The following ZFP64 variants were observed in gnomAD, a reference collection of about 807,000 sequenced individuals.
The protein encoded by ZFP64 is ZFP64 zinc finger protein, also known as zinc finger protein 64.
In ZFP64, 14 loss-of-function variants were observed where a neutral mutation model predicts 51.6. That is an observed-to-expected ratio of 0.27 (90% CI 0.18 to 0.42). ZFP64 has a LOEUF of 0.42. ZFP64 is among the 10% of genes least tolerant of loss of function. The probability of loss-of-function intolerance (pLI) is 1.00; values close to 1 mark genes in which losing one functional copy is unlikely to be tolerated. For missense variants in ZFP64, 754 were observed against 906.8 expected, an observed-to-expected ratio of 0.83 and a Z score of 2.16; for synonymous variants, 375 against 361.4, an observed-to-expected ratio of 1.04 and a Z score of -0.43.
Position 52,127,572 on chromosome 20 carries a change from T to C in ZFP64, c.764-28985A>G, listed in dbSNP as rs564265691. The stretch of plus-strand genomic sequence containing the variant: ...CTTGCTTCCCCTTTGCCTTCTGCCA[T>C]GACTGTAACTTTCCTGAGGCCTCCC... On this transcript the variant is annotated intron_variant, in intron 5 of 8. Transcript: ENST00000361387. 9.2e-4 allele frequency among the ~76,000 whole-genome samples: 140 copies of C among 152,326 alleles called. 1 individual carries two copies. Among genetic ancestry groups the C allele is most frequent in the Non-Finnish European group, 1.2e-3 (79 of 68,024 alleles).
At chr20:52,164,791 AAAACTT>A (rs1487301232) in intron 3 of ZFP64, 34 bp from the exon 4 acceptor site, 7 of 1,578,806 alleles carry the variant, frequency 4.4e-6, no homozygotes, top group Non-Finnish European at 6.1e-6. Flanking sequence ...ATTACAAAGG[AAAACTT>A]AGTAACTTTT....
chr20:52,104,893 T>C (rs1978297227), intron 5 of ZFP64: 1 of 673,300 alleles, frequency 1.5e-6, no homozygotes, highest in Non-Finnish European at 2.7e-6. Context: ...ACTCGTTGAC[T>C]AGCTCTTGAG....
chr20:52,114,700 C>T (rs62216877), intron 5 of ZFP64, among the ~76,000 whole-genome samples: 24,295 of 152,128 alleles, frequency 0.16, 2,190 homozygotes, highest in Non-Finnish European at 0.21. Flanking sequence ...TTTGGCAATA[C>T]GTTTTTAAAT....
At chr20:52,139,718 G>A (rs1014422689) in intron 5 of ZFP64, among the ~76,000 whole-genome samples, 3 of 152,000 alleles carry the variant, frequency 2.0e-5, no homozygotes, top group Admixed American at 6.6e-5. Context: ...TTTATTTTAC[G>A]GGTCACATTT....
intron 5 of ZFP64, among the ~76,000 whole-genome samples, chr20:52,121,460 G>T (rs1410804735): frequency 6.6e-6 from 1 of 152,204 alleles, no homozygotes; most frequent in Non-Finnish European, 1.5e-5. Flanking sequence ...GGTCAAACCA[G>T]CTACAACATG....
Position 52,085,942 on chromosome 20 carries a change from T to C in ZFP64, c.1229-676A>G, listed in dbSNP as rs2078859685. Among the ~76,000 whole-genome samples the C allele has an allele frequency of 6.6e-6, 1 of 152,164 alleles. No homozygotes were observed. The highest frequency in any genetic ancestry group is 2.1e-4 in the South Asian group (1 of 4,826). ...AGTTGAATATACACAAAGATAAGCATCTTATCCTACACACCCATCCTTTCC... is the reference window on the plus strand; with the variant it reads ...AGTTGAATATACACAAAGATAAGCACCTTATCCTACACACCCATCCTTTCC... On this transcript the variant is annotated intron_variant, in intron 8 of 8. Coordinates refer to the ZFP64 transcript ENST00000361387. The surrounding 1 kb of genome is among the most constrained non-coding windows in gnomAD (Gnocchi z 4.3).
At chr20:52,171,819 C>T (rs1982763856) in intron 2 of ZFP64, among the ~76,000 whole-genome samples, 1 of 151,556 alleles carries the variant, frequency 6.6e-6, no homozygotes, top group South Asian at 2.1e-4. Flanking sequence ...GTGATCTCGG[C>T]TCATTGCAAT....
At chr20:52,148,622 G>A (rs369383128), downstream of ZFP64, among the ~76,000 whole-genome samples, 1 of 151,866 alleles carries the variant, frequency 6.6e-6, no homozygotes. Context: ...AATCACCTGA[G>A]CCTGGGAGGC....
At chr20:52,190,026 A>G (rs1984260870) in intron 1 of ZFP64, among the ~76,000 whole-genome samples, 1 of 152,126 alleles carries the variant, frequency 6.6e-6, no homozygotes, top group Non-Finnish European at 1.5e-5. Context: ...ATTATGTCCA[A>G]TTTTCCCCAG....
downstream of ZFP64, among the ~76,000 whole-genome samples, chr20:52,147,344 C>G (rs2089530516): frequency 6.6e-6 from 1 of 151,952 alleles, no homozygotes; most frequent in South Asian, 2.1e-4. Context: ...AAGAAAATGA[C>G]CTAAGTACCA....
intron 5 of ZFP64, among the ~76,000 whole-genome samples, chr20:52,138,038 TAAA>T (rs1568671706): frequency 1.4e-4 from 17 of 122,072 alleles, no homozygotes; most frequent in Middle Eastern, 7.6e-3. Context: ...AATAAATAAA[TAAA>T]TAAATAAATA....
rs12625911 is a variant in ZFP64 at position 52,110,528 on chromosome 20, C to T, written c.764-11941G>A. 1,208 of 723,028 alleles carry T rather than the reference C, an allele frequency of 1.7e-3. 10 individuals are homozygous for T. In the East Asian group the frequency reaches 0.019, roughly 12 times the overall value. 44.8% of individuals were successfully genotyped at this position (723,028 alleles called of 1,614,324 possible). ...TTCCCTGTGATCTTCAGGTATTGCT[C>T]GGCCCAGTTCTTCTCAGTCTCCTTC... On this transcript the variant is annotated intron_variant, in intron 5 of 8. Coordinates refer to the ZFP64 transcript ENST00000361387.
intron 2 of ZFP64, among the ~76,000 whole-genome samples, chr20:52,172,523 G>C (rs1435985204): frequency 6.6e-6 from 1 of 151,878 alleles, no homozygotes; most frequent in Non-Finnish European, 1.5e-5. Flanking sequence ...GAGTGGCATG[G>C]GCCTTGGGGA....
intron 2 of ZFP64, among the ~76,000 whole-genome samples, chr20:52,172,565 C>T (rs925354355): frequency 1.3e-5 from 2 of 152,006 alleles, no homozygotes; most frequent in Non-Finnish European, 2.9e-5. Flanking sequence ...AGGTGAAACG[C>T]CCCACATCTG....
chr20:52,095,447 G>T (rs2078978147), intron 7 of ZFP64, among the ~76,000 whole-genome samples: 1 of 151,712 alleles, frequency 6.6e-6, no homozygotes, highest in Admixed American at 6.6e-5. Flanking sequence ...TCATGGTGCA[G>T]AAATACTTTG....
chr20:52,097,479 G>A (rs1381282923), intron 6 of ZFP64: 2 of 1,545,462 alleles, frequency 1.3e-6, no homozygotes, highest in East Asian at 4.5e-5. Context: ...TTTGGAGACA[G>A]AGTTTTGCTC....
rs776920027 is a variant in ZFP64 at position 52,153,479 on chromosome 20, C to T, written c.764-51G>A. On this transcript the variant is annotated intron_variant, in intron 5 of 5. Coordinates refer to ENST00000216923, the MANE Select transcript of ZFP64 (RefSeq NM_018197.3). The surrounding 1 kb of genome is among the most constrained non-coding windows in gnomAD (Gnocchi z 5.1). ...AAGAACAGGCAGGCAACAACCACAG[C>T]GGATCCCCCCGAAGCACACACCAGA... The T allele has an allele frequency of 3.2e-6, 5 of 1,563,820 alleles. No homozygotes were observed. Among genetic ancestry groups the T allele is most frequent in the Admixed American group, 1.8e-5 (1 of 55,336 alleles).
At chr20:52,168,589 C>T (rs558488144) in intron 2 of ZFP64, among the ~76,000 whole-genome samples, 1 of 152,260 alleles carries the variant, frequency 6.6e-6, no homozygotes, top group African/African-American at 2.4e-5. Context: ...GAACCATTAG[C>T]AGAGACCATC....
chr20:52,124,889 C>A lies in ZFP64; in HGVS notation c.764-26302G>T, dbSNP rs563238705. 1.2e-4 allele frequency among the ~76,000 whole-genome samples: 18 copies of A among 152,170 alleles called. No homozygotes were observed. In the East Asian group the frequency reaches 3.5e-3, roughly 29 times the overall value. ...AAAGTGCTGGGATTACAGGTATGAG[C>A]CACCATGCCCGGCCTAAACATTTTT... On this transcript the variant is annotated intron_variant, in intron 5 of 8. Transcript: ENST00000361387.
Sources: allele counts gnomAD v4.1 joint callset (sites outside exome capture counted in the v4.1 genomes callset), GRCh38; gene constraint gnomAD v4.1.1; non-coding constraint Gnocchi (gnomAD v3.1); transcripts MANE v1.5; gene names NCBI Gene and HGNC (gene_info 2026-07-23, HGNC 2026-07-21).